Variants in CPNE5 observed in about 807,000 individuals in gnomAD.
CPNE5 encodes copine-5.
CPNE5 carries 42 observed loss-of-function variants against 81.1 expected under a neutral mutation model. The ratio of observed to expected loss-of-function variants is 0.52; its 90% CI spans 0.40 to 0.67. CPNE5 has a LOEUF of 0.67. Ranked by LOEUF, CPNE5 falls within the 30% of genes least tolerant of loss-of-function variation. The pLI is 0.00. For synonymous variants in CPNE5, 313 were observed against 321.5 expected, an observed-to-expected ratio of 0.97 and a Z score of 0.28; for missense variants, 612 against 815.5, an observed-to-expected ratio of 0.75 and a Z score of 3.04.
At chr6:36,763,823 C>A (rs951572812) in intron 11 of CPNE5, among the ~76,000 whole-genome samples, 3 of 152,036 alleles carry the variant, frequency 2.0e-5, no homozygotes, top group Admixed American at 6.6e-5. Context: ...GTTCATTAAA[C>A]CCTTCTCTAA....
chr6:36,762,867 G>T, intron 12 of CPNE5, 50 bp downstream of exon 12: 1 of 1,465,828 alleles, frequency 6.8e-7, no homozygotes, highest in Non-Finnish European at 9.6e-7. Context: ...AGTCCTCAGT[G>T]ACTGGGCCAC....
chr6:36,744,176 A>C, intron 19 of CPNE5, 92 bp downstream of exon 19: 1 of 1,076,996 alleles, frequency 9.3e-7, no homozygotes, highest in East Asian at 2.6e-5. Context: ...GGTCATTCCC[A>C]GGGGACCACA....
intron 8 of CPNE5, among the ~76,000 whole-genome samples, chr6:36,786,193 A>G (rs1337875129): frequency 1.3e-5 from 2 of 152,092 alleles, no homozygotes; most frequent in Non-Finnish European, 2.9e-5. Context: ...GAGGAAACAC[A>G]CCAGGAGCTG....
intron 7 of CPNE5, 148 bp downstream of exon 7, chr6:36,794,442 C>T (rs1364030611): frequency 1.6e-5 from 11 of 705,092 alleles, no homozygotes; most frequent in Middle Eastern, 3.9e-4. Flanking sequence ...GCCTGGGTGC[C>T]TAAGGAGGAA....
chr6:36,785,949 G>A (rs1387175889), intron 8 of CPNE5, among the ~76,000 whole-genome samples: 4 of 143,232 alleles, frequency 2.8e-5, no homozygotes, highest in Non-Finnish European at 6.0e-5. Flanking sequence ...GGAGGAGGAG[G>A]TTGTAGTCAG....
chr6:36,817,281 T>C (rs1052086240), intron 3 of CPNE5, among the ~76,000 whole-genome samples: 2 of 152,138 alleles, frequency 1.3e-5, no homozygotes, highest in African/African-American at 4.8e-5. Context: ...GCTGAGATCA[T>C]GCCATTGCAC....
At chr6:36,806,193 C>T (rs1327383603) in intron 3 of CPNE5, among the ~76,000 whole-genome samples, 1 of 152,174 alleles carries the variant, frequency 6.6e-6, no homozygotes, top group Admixed American at 6.5e-5. Context: ...GCTGGAGAGT[C>T]TCGGGCTGCT....
intron 3 of CPNE5, among the ~76,000 whole-genome samples, chr6:36,821,401 C>T (rs374884687): frequency 1.3e-5 from 2 of 152,178 alleles, no homozygotes; most frequent in East Asian, 3.9e-4. Flanking sequence ...GAATTTGACC[C>T]GGGTTTTAAC....
intron 3 of CPNE5, among the ~76,000 whole-genome samples, chr6:36,808,572 G>T (rs1351144331): frequency 6.6e-6 from 1 of 152,114 alleles, no homozygotes; most frequent in Non-Finnish European, 1.5e-5. Context: ...TCCCAGGCCT[G>T]CCTTGTGTTG....
At chr6:36,782,103 C>T (rs1325627208) in intron 8 of CPNE5, among the ~76,000 whole-genome samples, 1 of 152,184 alleles carries the variant, frequency 6.6e-6, no homozygotes, top group East Asian at 1.9e-4. Context: ...AAATAGCCAT[C>T]TCTTGTGGGG....
intron 12 of CPNE5, 76 bp downstream of exon 12, chr6:36,762,841 G>C: frequency 8.4e-7 from 1 of 1,193,824 alleles, no homozygotes; most frequent in Admixed American, 1.7e-5. Flanking sequence ...CCCCAGCCCA[G>C]TGCATGGCTC....
At chr6:36,820,479 C>A (rs1447171994) in intron 3 of CPNE5, among the ~76,000 whole-genome samples, 1 of 151,434 alleles carries the variant, frequency 6.6e-6, no homozygotes, top group African/African-American at 2.4e-5. Context: ...ATAGCTGGGA[C>A]TACAGGCACG....
chr6:36,774,616 A>G (rs1449941811), intron 10 of CPNE5, among the ~76,000 whole-genome samples: 3 of 152,196 alleles, frequency 2.0e-5, no homozygotes, highest in African/African-American at 7.2e-5. Context: ...GGCACCCGGG[A>G]CACCCATCTG....
chr6:36,762,985 A>T lies in CPNE5; in HGVS notation c.787T>A (p.Phe263Ile), dbSNP rs1766198506. The T allele has an allele frequency of 6.2e-7, 1 of 1,614,008 alleles. No individual in the cohort carries two copies. The highest frequency in any genetic ancestry group is 1.3e-5 in the African/African-American group (1 of 74,908). ...YDWDRDGSHD[F>I]IGEFTTSYRE... ...TAACTGGTGGTGAACTCCCCAATGA[A>T]GTCATGGCTGCAAGGGAAGACGGCT... is the stretch of plus-strand genomic sequence containing the variant. Residue 263 changes from phenylalanine to isoleucine, a missense_variant, in exon 12 of 21, where the codon TTC becomes ATC. Transcript: ENST00000244751.
chr6:36,784,664 G>A (rs1343716741), intron 8 of CPNE5, among the ~76,000 whole-genome samples: 1 of 152,158 alleles, frequency 6.6e-6, no homozygotes, highest in Non-Finnish European at 1.5e-5. Flanking sequence ...CCCCTTGGCC[G>A]GGCATGATGG....
intron 3 of CPNE5, among the ~76,000 whole-genome samples, chr6:36,803,105 A>T (rs1191210120): frequency 6.6e-6 from 1 of 152,152 alleles, no homozygotes; most frequent in Non-Finnish European, 1.5e-5. Flanking sequence ...TCTGAGGAAC[A>T]CTAGATTTGG....
Position 36,746,164 on chromosome 6 carries a change from G to A in CPNE5, c.1200+232C>T, listed in dbSNP as rs1764135622. The A allele has an allele frequency of 2.0e-6, 2 of 985,390 alleles. No individual in the cohort carries two copies. Among genetic ancestry groups the A allele is most frequent in the Non-Finnish European group, 2.4e-6 (2 of 829,894 alleles). 61.0% of individuals were successfully genotyped at this position (985,390 alleles called of 1,614,324 possible). A position where few individuals can be genotyped will look rare whatever the true frequency, so the allele number is the denominator to read the frequency against. On this transcript the variant is annotated intron_variant, in intron 16 of 20. Coordinates refer to ENST00000244751, the MANE Select transcript of CPNE5 (RefSeq NM_020939.2). This position sits in a 1 kb window ranked among gnomAD's most constrained non-coding sequence, Gnocchi z 4.5. Reference sequence around the variant, plus strand: ...TGCACCTGCGTCTTGTCAGGAACAAGGAAGCCAGGGCCAGCTGTGGGCAGG... The same window carrying A: ...TGCACCTGCGTCTTGTCAGGAACAAAGAAGCCAGGGCCAGCTGTGGGCAGG...
chr6:36,837,675 C>T (rs901687213), intron 1 of CPNE5, among the ~76,000 whole-genome samples: 5 of 151,960 alleles, frequency 3.3e-5, no homozygotes, highest in East Asian at 1.9e-4. Flanking sequence ...AAGTGGGGAG[C>T]GTGAGGCCAG....
chr6:36,764,822 T>C (rs1766401834), intron 11 of CPNE5, among the ~76,000 whole-genome samples: 1 of 152,076 alleles, frequency 6.6e-6, no homozygotes, highest in Non-Finnish European at 1.5e-5. Context: ...AAACAGCTCC[T>C]CTGATGAGCC....
Sources: allele counts gnomAD v4.1 joint callset (sites outside exome capture counted in the v4.1 genomes callset), GRCh38; gene constraint gnomAD v4.1.1; non-coding constraint Gnocchi (gnomAD v3.1); transcripts MANE v1.5; gene names NCBI Gene and HGNC (gene_info 2026-07-23, HGNC 2026-07-21).